TMTC2: variants seen among roughly 807,000 people sequenced by gnomAD.
The protein encoded by TMTC2 is protein O-mannosyl-transferase TMTC2.
TMTC2 carries 43 observed loss-of-function variants against 82.4 expected under a neutral mutation model. The ratio of observed to expected loss-of-function variants is 0.52; its 90% CI spans 0.41 to 0.67. TMTC2 has a LOEUF of 0.67. Ranked by LOEUF, TMTC2 falls within the 30% of genes least tolerant of loss-of-function variation. TMTC2 has a pLI of 0.00. For synonymous variants in TMTC2, 408 were observed against 381.9 expected, an observed-to-expected ratio of 1.07 and a Z score of -0.80; for missense variants, 919 against 1,012.4, an observed-to-expected ratio of 0.91 and a Z score of 1.25.
At chr12:82,776,138 C>G (rs370076220) in intron 1 of TMTC2, among the ~76,000 whole-genome samples, 71 of 152,244 alleles carry the variant, frequency 4.7e-4, no homozygotes, top group African/African-American at 1.5e-3. Context: ...TTAATACTAG[C>G]TAACATATCT....
At chr12:82,824,777 C>G (rs924969874) in intron 1 of TMTC2, among the ~76,000 whole-genome samples, 1 of 152,020 alleles carries the variant, frequency 6.6e-6, no homozygotes, top group Non-Finnish European at 1.5e-5. Context: ...GGAGTATTTT[C>G]AGGAAAATCA....
chr12:83,051,127 A>G, intron 10 of TMTC2, 109 bp downstream of exon 10: 1 of 682,874 alleles, frequency 1.5e-6, no homozygotes, highest in Non-Finnish European at 2.4e-6. Flanking sequence ...TGAGTCAATC[A>G]CGCTGCTTAA....
intron 3 of TMTC2, among the ~76,000 whole-genome samples, chr12:82,902,390 C>T (rs908024565): frequency 6.6e-6 from 1 of 152,180 alleles, no homozygotes; most frequent in Admixed American, 6.5e-5. Flanking sequence ...TCCAGGTAAG[C>T]TCTCCTGTGC....
At chr12:83,038,291 A>G (rs1373613015) in intron 9 of TMTC2, among the ~76,000 whole-genome samples, 5 of 151,692 alleles carry the variant, frequency 3.3e-5, no homozygotes, top group Admixed American at 3.3e-4. Context: ...GTATAATAAA[A>G]ATATATATAT....
At chr12:83,045,707 T>TCACACACACACACACACATACACACACA (rs1882075428) in intron 9 of TMTC2, among the ~76,000 whole-genome samples, 1 of 122,706 alleles carries the variant, frequency 8.1e-6, no homozygotes, top group Non-Finnish European at 1.7e-5. Flanking sequence ...AAGGGCTCCT[T>TCACACACACACACACACATACACACACA]CACACACACA....
chr12:83,119,422 G>T (rs1037493726), intron 11 of TMTC2, among the ~76,000 whole-genome samples: 3 of 152,032 alleles, frequency 2.0e-5, no homozygotes, highest in African/African-American at 7.2e-5. Context: ...TCAGGATCAG[G>T]TTATTTAATT....
At chr12:82,688,908 C>G (rs150768406) in intron 1 of TMTC2, among the ~76,000 whole-genome samples, 1 of 152,202 alleles carries the variant, frequency 6.6e-6, no homozygotes, top group Non-Finnish European at 1.5e-5. Flanking sequence ...CTGCTAAAAG[C>G]ATCTTCACAT....
chr12:82,936,599 A>T (rs920282646), intron 4 of TMTC2, among the ~76,000 whole-genome samples: 15 of 152,154 alleles, frequency 9.9e-5, no homozygotes, highest in Admixed American at 8.5e-4. Context: ...CAATTAAATT[A>T]CTATACTCTT....
chr12:82,731,592 T>G (rs1196147983), intron 1 of TMTC2, among the ~76,000 whole-genome samples: 1 of 152,252 alleles, frequency 6.6e-6, no homozygotes, highest in African/African-American at 2.4e-5. Context: ...TGATAATTAG[T>G]TTACTTATCA....
intron 1 of TMTC2, among the ~76,000 whole-genome samples, chr12:82,822,496 A>G (rs1268721317): frequency 6.6e-6 from 1 of 152,156 alleles, no homozygotes; most frequent in Non-Finnish European, 1.5e-5. Flanking sequence ...GAATACTCTT[A>G]TATAGTCTAT....
chr12:82,708,133 T>C (rs1873456230), intron 1 of TMTC2, among the ~76,000 whole-genome samples: 1 of 152,218 alleles, frequency 6.6e-6, no homozygotes, highest in African/African-American at 2.4e-5. Flanking sequence ...TTAGTAGTTG[T>C]GACAGAGACC....
At chr12:82,991,755 A>G (rs1374885724) in intron 8 of TMTC2, among the ~76,000 whole-genome samples, 3 of 152,240 alleles carry the variant, frequency 2.0e-5, no homozygotes, top group African/African-American at 7.2e-5. Flanking sequence ...AAAATTGGGC[A>G]TGCTAAAAGA....
chr12:83,125,186 A>G (rs1240866875), intron 11 of TMTC2, among the ~76,000 whole-genome samples: 1 of 152,214 alleles, frequency 6.6e-6, no homozygotes, highest in Non-Finnish European at 1.5e-5. Context: ...CCAGAGGTCT[A>G]CTGTCTGGCT....
chr12:82,921,053 G>T (rs1170280175), intron 3 of TMTC2, among the ~76,000 whole-genome samples: 2 of 151,962 alleles, frequency 1.3e-5, no homozygotes, highest in Admixed American at 6.6e-5. Flanking sequence ...ATGAAATATG[G>T]ATACCAGATA....
At chr12:82,782,049 A>G (rs1216101654) in intron 1 of TMTC2, among the ~76,000 whole-genome samples, 3 of 152,236 alleles carry the variant, frequency 2.0e-5, no homozygotes, top group East Asian at 1.9e-4. Flanking sequence ...TCACACTTCT[A>G]TTTATTTAGA....
chr12:83,064,373 A>C (rs1882848346), intron 11 of TMTC2, among the ~76,000 whole-genome samples: 1 of 151,938 alleles, frequency 6.6e-6, no homozygotes, highest in Admixed American at 6.6e-5. Context: ...TTTCTTCATA[A>C]AACCACTCCA....
intron 1 of TMTC2, among the ~76,000 whole-genome samples, chr12:82,846,712 T>C (rs1264492750): frequency 2.0e-5 from 3 of 152,082 alleles, no homozygotes; most frequent in Non-Finnish European, 2.9e-5. Flanking sequence ...TTATTCGGGG[T>C]CGCTGACCAT....
chr12:82,752,574 A>G (rs1463980720), intron 1 of TMTC2, among the ~76,000 whole-genome samples: 1 of 152,060 alleles, frequency 6.6e-6, no homozygotes, highest in Non-Finnish European at 1.5e-5. Flanking sequence ...TGGGAGCATA[A>G]ACTGGGGAGT....
At chr12:82,993,077 C>T (rs1237102699) in intron 8 of TMTC2, among the ~76,000 whole-genome samples, 3 of 152,070 alleles carry the variant, frequency 2.0e-5, no homozygotes, top group South Asian at 2.1e-4. Flanking sequence ...CTCTGCCTCC[C>T]GGATTCAGGC....
Sources: allele counts gnomAD v4.1 joint callset (sites outside exome capture counted in the v4.1 genomes callset), GRCh38; gene constraint gnomAD v4.1.1; transcripts MANE v1.5; gene names NCBI Gene and HGNC (gene_info 2026-07-23, HGNC 2026-07-21).